CRELD2: variants seen among roughly 807,000 people sequenced by gnomAD.
CRELD2 encodes protein disulfide isomerase CRELD2.
A neutral mutation model predicts 48.1 loss-of-function variants in CRELD2; 33 were observed. The ratio of observed to expected loss-of-function variants is 0.69; its 90% CI spans 0.52 to 0.92. The LOEUF (loss-of-function observed/expected upper bound fraction) is 0.92, where lower values mean the gene tolerates loss of function less well. CRELD2 is among the 40% of genes least tolerant of loss of function. CRELD2 has a pLI of 0.00. For missense variants in CRELD2, 477 were observed against 482.4 expected, an observed-to-expected ratio of 0.99 and a Z score of 0.10; for synonymous variants, 220 against 203.9, an observed-to-expected ratio of 1.08 and a Z score of -0.67.
In CRELD2 at chr22:49,924,389, G is replaced by A. The variant is rs754309301; in HGVS notation, c.802G>A (p.Gly268Arg). 10 of 1,612,344 alleles carry A rather than the reference G, an allele frequency of 6.2e-6. No homozygotes were observed. The highest frequency in any genetic ancestry group is 8.5e-6 in the Non-Finnish European group (10 of 1,179,472). ...ECDSSCVGCT[G>R]EGPGNCKECI... Reference sequence around the variant, plus strand: ...TGACTCCAGCTGTGTGGGCTGCACAGGGGAAGGCCCAGGAAACTGTAAAGA... The same window carrying A: ...TGACTCCAGCTGTGTGGGCTGCACAAGGGAAGGCCCAGGAAACTGTAAAGA... The change falls in exon 8 of 10, where the codon GGG becomes AGG. Residue 268 changes from glycine (G) to arginine (R), a missense_variant. Physicochemically the swap from Gly to Arg is moderately radical, Grantham distance 125. Coordinates refer to ENST00000328268, the MANE Select transcript of CRELD2 (RefSeq NM_024324.5).
rs779046089 is a variant in CRELD2, at chr22:49,924,407, T to C, written c.820T>C (p.Cys274Arg). The change falls in exon 8 of 10, where the codon TGT (cysteine) becomes CGT (arginine). Residue 274 changes from cysteine (C) to arginine (R), a missense_variant. By Grantham distance (180) the Cys-to-Arg change is radical. Transcript: ENST00000328268. ...CTGCACAGGGGAAGGCCCAGGAAACTGTAAAGAGTGTATCTCTGGCTACGC... is the reference window on the plus strand; with the variant it reads ...CTGCACAGGGGAAGGCCCAGGAAACCGTAAAGAGTGTATCTCTGGCTACGC... ...VGCTGEGPGN[C>R]KECISGYARE... 1 of 1,612,538 alleles carries C rather than the reference T, an allele frequency of 6.2e-7. No homozygotes were observed. The highest frequency in any genetic ancestry group is 1.6e-4 in the Middle Eastern group (1 of 6,068).
chr22:49,921,239 G>T, intron 4 of CRELD2: 1 of 270,318 alleles, frequency 3.7e-6, no homozygotes. Flanking sequence ...CATAGAACAG[G>T]TAATGAGGCA....
intron 9 of CRELD2, 78 bp downstream of exon 9, chr22:49,925,635 C>A: frequency 6.3e-7 from 1 of 1,592,628 alleles, no homozygotes; most frequent in South Asian, 1.1e-5. Context: ...GCTGCTTGGT[C>A]TGAAATCCAC....
At chr22:49,922,473 T>C (rs1433799320) in intron 5 of CRELD2, 139 bp from the exon 6 acceptor site, 1 of 1,553,458 alleles carries the variant, frequency 6.4e-7, no homozygotes, top group Admixed American at 1.9e-5. Flanking sequence ...AGTCCTGGTT[T>C]GCTGAGAATT....
At chr22:49,922,230 T>G in intron 5 of CRELD2, 1 of 1,522,354 alleles carries the variant, frequency 6.6e-7, no homozygotes, top group Non-Finnish European at 8.9e-7. Flanking sequence ...CCTAGGCTAT[T>G]CTGGGCAGAC....
chr22:49,922,063 G>C (rs1003695484), intron 5 of CRELD2: 80 of 610,994 alleles, frequency 1.3e-4, no homozygotes, highest in Middle Eastern at 4.4e-4. Flanking sequence ...TGGAGGTGCC[G>C]TGTGGGCCCC....
Position 49,918,799 on chromosome 22 carries a change from G to C in CRELD2, c.30G>C (p.Gly10=), listed in dbSNP as rs2060641273. 1 of 1,320,710 alleles carries C rather than the reference G, an allele frequency of 7.6e-7. No individual in the cohort carries two copies. Among genetic ancestry groups the C allele is most frequent in the Non-Finnish European group, 9.6e-7 (1 of 1,036,992 alleles). 81.8% of individuals were successfully genotyped at this position (1,320,710 alleles called of 1,614,324 possible). A position where few individuals can be genotyped will look rare whatever the true frequency, so the allele number is the denominator to read the frequency against. MRLPRRAAL[G]LLPLLLLLPP... is the part of the protein sequence containing the mutation. Reference sequence around the variant, plus strand: ...GCCTGCCGCGCCGGGCCGCGCTGGGGCTCCTGCCGCTTCTGCTGCTGCTGC... The same window carrying C: ...GCCTGCCGCGCCGGGCCGCGCTGGGCCTCCTGCCGCTTCTGCTGCTGCTGC... Residue 10 remains glycine, a synonymous_variant, in exon 1 of 10, where the codon GGG becomes GGC. Coordinates refer to ENST00000328268, the MANE Select transcript of CRELD2 (RefSeq NM_024324.5).
intron 5 of CRELD2, chr22:49,922,078 C>T (rs75892493): frequency 0.028 from 17,254 of 625,796 alleles, 341 homozygotes; most frequent in Non-Finnish European, 0.034. Context: ...GGCCCCGCAC[C>T]GGCCCAGAGA....
chr22:49,924,351 C>A lies in CRELD2; in HGVS notation c.773-9C>A. On this transcript the variant is annotated splice_polypyrimidine_tract_variant and intron_variant, in intron 7 of 9. Transcript: ENST00000328268. ...CATGTCGGGGTCTGACGCTGGCTCCCTGTTGCAGAGTGTGACTCCAGCTGT... is the reference window on the plus strand; with the variant it reads ...CATGTCGGGGTCTGACGCTGGCTCCATGTTGCAGAGTGTGACTCCAGCTGT... The A allele has an allele frequency of 6.2e-7, 1 of 1,606,054 alleles. No homozygotes were observed.
At chr22:49,925,324 CTTT>C (rs1340079671) in intron 8 of CRELD2, 90 bp from the exon 9 acceptor site, 1 of 877,590 alleles carries the variant, frequency 1.1e-6, no homozygotes, top group East Asian at 2.5e-5. Context: ...GTTGTGCTTT[CTTT>C]ATGTGAATGA....
At chr22:49,921,195 C>T (rs1009400517) in intron 4 of CRELD2, 7 of 188,616 alleles carry the variant, frequency 3.7e-5, no homozygotes, top group South Asian at 2.3e-4. Flanking sequence ...CCATTTGGCA[C>T]GTGGTAAGAA....
At chr22:49,921,270 A>G (rs1231901074) in intron 4 of CRELD2, 1 of 347,126 alleles carries the variant, frequency 2.9e-6, no homozygotes, top group Non-Finnish European at 5.3e-6. Flanking sequence ...TCACTAGGCA[A>G]TAAGAGCCGC....
rs371632070 is a variant in CRELD2 at position 49,922,596 on chromosome 22, C to T, written c.593-16C>T. On this transcript the variant is annotated splice_polypyrimidine_tract_variant and intron_variant, in intron 5 of 9. Transcript: ENST00000328268. ...TGAGAGTGGGGTTTGTACCCAGGCC[C>T]GCCTTTGCCTTCCAGCCTGTGACGA... 32 of 1,527,382 alleles carry T rather than the reference C, an allele frequency of 2.1e-5. No homozygotes were observed. The highest frequency in any genetic ancestry group is 1.7e-4 in the Middle Eastern group (1 of 5,932). The allele number at this position is 1,527,382 out of a possible 1,614,324, so 94.6% of individuals were successfully genotyped here.
chr22:49,923,138 G>A, intron 6 of CRELD2, 96 bp from the exon 7 acceptor site: 1 of 988,028 alleles, frequency 1.0e-6, no homozygotes, highest in Non-Finnish European at 1.5e-6. Flanking sequence ...TCCCCAGCCG[G>A]CCCTGGCCAC....
chr22:49,919,193 G>T (rs1468269582), intron 1 of CRELD2, 37 bp from the exon 2 acceptor site: 2 of 1,603,878 alleles, frequency 1.2e-6, no homozygotes, highest in African/African-American at 2.7e-5. Flanking sequence ...ACCCGGGTCA[G>T]GTGGTACCAA....
In CRELD2 at chr22:49,921,634, C is replaced by T. The variant is rs755386943; in HGVS notation, c.465C>T (p.Ser155=). ...CCTGCAGCGGGAATGGCCACTGCAG[C>T]GGAGATGGGAGCAGACAGGGCGACG... is the stretch of plus-strand genomic sequence containing the variant. ...QRPCSGNGHC[S]GDGSRQGDGS... Residue 155 remains serine (S), a synonymous_variant, in exon 5 of 10, where the codon AGC becomes AGT. Transcript: ENST00000328268. 1.3e-5 allele frequency: 21 copies of T among 1,612,828 alleles called. No homozygotes were observed. The highest frequency in any genetic ancestry group is 9.9e-5 in the South Asian group (9 of 91,078).
In CRELD2 at chr22:49,918,825, C is replaced by G. The variant is rs1423277655; in HGVS notation, c.56C>G (p.Pro19Arg). 48 of 1,326,898 alleles carry G rather than the reference C, an allele frequency of 3.6e-5. No individual in the cohort carries two copies. The highest frequency in any genetic ancestry group is 4.6e-5 in the Non-Finnish European group (48 of 1,042,378). The allele number at this position is 1,326,898 out of a possible 1,614,324, so 82.2% of individuals were successfully genotyped here. A position where few individuals can be genotyped will look rare whatever the true frequency, so the allele number is the denominator to read the frequency against. Residue 19 changes from proline (P) to arginine (R), a missense_variant, in exon 1 of 10, where the codon CCG (proline) becomes CGG (arginine). Coordinates refer to ENST00000328268, the MANE Select transcript of CRELD2 (RefSeq NM_024324.5). ...LGLLPLLLLL[P>R]PAPEAAKKPT... ...CTCCTGCCGCTTCTGCTGCTGCTGC[C>G]GCCCGCGCCGGAGGCCGCCAAGAAG...
At chr22:49,925,340 C>T (rs1050535186) in intron 8 of CRELD2, 77 bp from the exon 9 acceptor site, 2 of 959,884 alleles carry the variant, frequency 2.1e-6, no homozygotes, top group African/African-American at 1.6e-5. Context: ...GTGAATGAAT[C>T]TGAATGAATG....
At chr22:49,925,749 T>A in intron 9 of CRELD2, 192 bp downstream of exon 9, 3 of 1,406,838 alleles carry the variant, frequency 2.1e-6, no homozygotes, top group Non-Finnish European at 2.8e-6. Context: ...TTCCTGAGGA[T>A]GAAGCCCCAG....
Sources: gnomAD v4.1 joint callset for allele counts on GRCh38, gnomAD v4.1.1 for gene constraint, MANE v1.5 for transcripts, NCBI Gene and HGNC (gene_info 2026-07-23, HGNC 2026-07-21) for gene names.